Variants in SH2D4B observed in about 807,000 individuals in gnomAD.
SH2D4B encodes the protein SH2 domain containing 4B.
SH2D4B carries 45 observed loss-of-function variants against 61.5 expected under a neutral mutation model. The observed-to-expected ratio is 0.73, with a 90% CI of 0.58 to 0.94. SH2D4B has a LOEUF of 0.94. SH2D4B is among the 40% of genes least tolerant of loss of function. The pLI is 0.00. For missense variants in SH2D4B, 572 were observed against 574.2 expected, an observed-to-expected ratio of 1.00 and a Z score of 0.04; for synonymous variants, 224 against 220.4, an observed-to-expected ratio of 1.02 and a Z score of -0.14.
intron 5 of SH2D4B, 88 bp from the exon 6 acceptor site, chr10:80,609,336 T>C: frequency 2.0e-6 from 2 of 1,016,760 alleles, no homozygotes; most frequent in South Asian, 1.5e-5. Flanking sequence ...TTCCTCTCCC[T>C]TCCTCTTTCC....
chr10:80,552,188 T>C (rs1841770114), intron 1 of SH2D4B, among the ~76,000 whole-genome samples: 1 of 152,156 alleles, frequency 6.6e-6, no homozygotes, highest in African/African-American at 2.4e-5. Context: ...TTTCAGACCA[T>C]TGTTAGAGAA....
intron 3 of SH2D4B, among the ~76,000 whole-genome samples, chr10:80,588,362 AG>A (rs759847960): frequency 6.6e-6 from 1 of 152,174 alleles, no homozygotes; most frequent in African/African-American, 2.4e-5. Context: ...GAGAGGCCTG[AG>A]GGATCCTTTC....
chr10:80,618,362 C>T (rs1842682175), intron 6 of SH2D4B, among the ~76,000 whole-genome samples: 1 of 152,194 alleles, frequency 6.6e-6, no homozygotes, highest in African/African-American at 2.4e-5. Context: ...GGCAGGTCAG[C>T]TTGGAGCAGA....
intron 4 of SH2D4B, 102 bp downstream of exon 4, chr10:80,588,879 AC>A: frequency 7.0e-7 from 1 of 1,418,532 alleles, no homozygotes; most frequent in Non-Finnish European, 9.6e-7. Context: ...TCGCTCACTC[AC>A]CCCATCAGCC....
At chr10:80,630,871 G>C (rs1001893996) in intron 6 of SH2D4B, among the ~76,000 whole-genome samples, 1 of 152,204 alleles carries the variant, frequency 6.6e-6, no homozygotes, top group African/African-American at 2.4e-5. Flanking sequence ...GGTAGGTTGA[G>C]GCGGGGCATA....
chr10:80,597,981 G>C (rs949137099), intron 4 of SH2D4B, among the ~76,000 whole-genome samples: 1 of 152,160 alleles, frequency 6.6e-6, no homozygotes, highest in African/African-American at 2.4e-5. Flanking sequence ...GGATGAAAGA[G>C]GAGGCAGGTG....
intron 4 of SH2D4B, among the ~76,000 whole-genome samples, chr10:80,589,699 C>T (rs1842303964): frequency 1.3e-5 from 2 of 152,138 alleles, no homozygotes; most frequent in South Asian, 4.1e-4. Flanking sequence ...GTAGCACATA[C>T]AACATAGTTG....
chr10:80,556,528 A>T (rs1015054856), intron 1 of SH2D4B, among the ~76,000 whole-genome samples: 3 of 152,186 alleles, frequency 2.0e-5, no homozygotes, highest in Non-Finnish European at 2.9e-5. Flanking sequence ...GCACATTAAC[A>T]CTATTGAGTT....
chr10:80,561,565 C>A (rs866428377), intron 1 of SH2D4B, among the ~76,000 whole-genome samples: 29 of 152,122 alleles, frequency 1.9e-4, no homozygotes, highest in African/African-American at 6.5e-4. Flanking sequence ...AAATATTAAA[C>A]TTTTTATTTT....
chr10:80,543,543 A>G (rs186525710), intron 1 of SH2D4B, among the ~76,000 whole-genome samples: 1,791 of 152,014 alleles, frequency 0.012, 32 homozygotes, highest in African/African-American at 0.039. Flanking sequence ...GATGAGCGCC[A>G]CCCCCTGCTC....
intron 6 of SH2D4B, among the ~76,000 whole-genome samples, chr10:80,615,461 C>A (rs914502483): frequency 2.6e-5 from 4 of 152,226 alleles, no homozygotes; most frequent in African/African-American, 7.2e-5. Context: ...CATTTACAAT[C>A]CCTTACTGTA....
rs900362702 is a variant in SH2D4B, at chr10:80,539,453, A to G, written c.184+938A>G. Among the ~76,000 whole-genome samples, 6 of 152,160 alleles carry G rather than the reference A, an allele frequency of 3.9e-5. No individual in the cohort carries two copies. ...CCAGGCTCACTGCTGGCCAGTCCCC[A>G]CCAGGTGCCACAGGCCACACCCACA... On this transcript the variant is annotated intron_variant, in intron 1 of 7. Transcript: ENST00000646907. This position sits in a 1 kb window ranked among gnomAD's most constrained non-coding sequence, Gnocchi z 4.9.
At chr10:80,611,175 CAAAAAAAAAAAAAAAA>C (rs35997031) in intron 6 of SH2D4B, among the ~76,000 whole-genome samples, 1 of 45,038 alleles carries the variant, frequency 2.2e-5, no homozygotes, top group Non-Finnish European at 4.0e-5. Context: ...GACTCAGTCT[CAAAAAAAAAAAAAAAA>C]AAAAAAAAAA....
intron 4 of SH2D4B, among the ~76,000 whole-genome samples, chr10:80,596,879 A>G (rs1842391188): frequency 3.9e-5 from 6 of 152,312 alleles, no homozygotes; most frequent in Admixed American, 3.3e-4. Context: ...CACCCAGTTA[A>G]GACTGAGGAG....
chr10:80,572,975 TATATATA>T lies in SH2D4B; in HGVS notation c.495+1398_495+1404del, dbSNP rs1564771975. 4.6e-3 allele frequency among the ~76,000 whole-genome samples: 47 copies of T among 10,294 alleles called. 3 individuals are homozygous for T. Among genetic ancestry groups the T allele is most frequent in the African/African-American group, 0.018 (37 of 2,026 alleles). 6.8% of individuals were successfully genotyped at this position (10,294 alleles called of 152,430 possible). A position where few individuals can be genotyped will look rare whatever the true frequency, so the allele number is the denominator to read the frequency against. On this transcript the variant is annotated intron_variant, in intron 3 of 7. Transcript: ENST00000646907. Reference sequence around the variant, plus strand: ...ATATATATATATATATATATATATATATATATATATATTTTTTTTTTTTTTTTTTTTT... The same window carrying T: ...ATATATATATATATATATATATATATTATATTTTTTTTTTTTTTTTTTTTT...
chr10:80,643,931 C>T, intron 7 of SH2D4B, 62 bp from the exon 8 acceptor site: 1 of 1,305,716 alleles, frequency 7.7e-7, no homozygotes, highest in South Asian at 1.2e-5. Context: ...CTCTCTCTCT[C>T]TCATAGATGT....
chr10:80,569,014 AAC>A (rs1196822582), intron 1 of SH2D4B, among the ~76,000 whole-genome samples: 2 of 152,268 alleles, frequency 1.3e-5, no homozygotes, highest in African/African-American at 4.8e-5. Flanking sequence ...CTAAGGCAGT[AAC>A]ACAGTTTATA....
chr10:80,603,699 T>A lies in SH2D4B; in HGVS notation c.764T>A (p.Met255Lys), dbSNP rs1255602723. The A allele has an allele frequency of 6.2e-7, 1 of 1,612,968 alleles. No individual in the cohort carries two copies. The highest frequency in any genetic ancestry group is 1.3e-5 in the African/African-American group (1 of 74,896). The change falls in exon 5 of 8, where the codon ATG (methionine) becomes AAG (lysine). Residue 255 changes from methionine to lysine, a missense_variant. Physicochemically the swap from Met to Lys is moderately conservative, Grantham distance 95. Transcript: ENST00000646907. ...QKGTVAGLSS[M>K]FRELGQSHEQ... The stretch of plus-strand genomic sequence containing the variant: ...GGCACGGTCGCTGGCCTCAGCTCCA[T>A]GTTCCGGGAGCTTGGCCAGAGCCAT...
rs1361035946 is a variant in SH2D4B, at chr10:80,644,120, C to G, written c.*35C>G. The G allele has an allele frequency of 6.4e-7, 1 of 1,563,126 alleles. No homozygotes were observed. Among genetic ancestry groups the G allele is most frequent in the African/African-American group, 1.4e-5 (1 of 73,712 alleles). On this transcript the variant is annotated 3_prime_UTR_variant, in exon 8 of 8. Coordinates refer to ENST00000646907, the MANE Select transcript of SH2D4B (RefSeq NM_001388272.1). ...TTATCAATTGGATTCATTTTGGTATCCTGTTTTTGAACTCAGCTTAAGAAC... is the reference window on the plus strand; with the variant it reads ...TTATCAATTGGATTCATTTTGGTATGCTGTTTTTGAACTCAGCTTAAGAAC...
Sources: allele counts gnomAD v4.1 joint callset (sites outside exome capture counted in the v4.1 genomes callset), GRCh38; gene constraint gnomAD v4.1.1; non-coding constraint Gnocchi (gnomAD v3.1); transcripts MANE v1.5; gene names NCBI Gene and HGNC (gene_info 2026-07-23, HGNC 2026-07-21).